Variants in SOX6 observed in about 807,000 individuals in gnomAD.
The protein encoded by SOX6 is transcription factor SOX-6.
Under a neutral mutation model 97.8 loss-of-function variants are expected in SOX6, and 11 were observed. The observed-to-expected ratio is 0.11, with a 90% confidence interval of 0.07 to 0.19. The LOEUF (loss-of-function observed/expected upper bound fraction) is 0.19. Among genes scored for constraint, SOX6 ranks in the 10% least tolerant of loss-of-function variants. SOX6 has a pLI of 1.00. For missense variants in SOX6, 810 were observed against 1,039.5 expected (o/e 0.78, Z 3.04); for synonymous variants, 360 against 371.4 (o/e 0.97, Z 0.35).
chr11:16,473,552 CT>C (rs61587370), intron 1 of SOX6, among the ~76,000 whole-genome samples: 26,057 of 132,518 alleles, frequency 0.2, 2,443 homozygotes, highest in East Asian at 0.46. Flanking sequence ...GTGACAATTC[CT>C]TTTTTTTTTT....
intron 4 of SOX6, among the ~76,000 whole-genome samples, chr11:16,508,844 C>T (rs1860833245): frequency 6.6e-6 from 1 of 151,896 alleles, no homozygotes; most frequent in African/African-American, 2.4e-5. Flanking sequence ...TGAAATGTTC[C>T]CAACACATAG....
intron 11 of SOX6, among the ~76,000 whole-genome samples, chr11:16,048,751 A>G (rs1407659418): frequency 6.6e-6 from 1 of 152,146 alleles, no homozygotes; most frequent in East Asian, 1.9e-4. Context: ...AAGGAAGGTA[A>G]TCTGAAGAAA....
At chr11:16,561,076 T>C (rs539677245) in intron 4 of SOX6, among the ~76,000 whole-genome samples, 2 of 151,610 alleles carry the variant, frequency 1.3e-5, no homozygotes, top group East Asian at 3.9e-4. Flanking sequence ...AAAGAACTTA[T>C]CCATGTAACC....
intron 3 of SOX6, among the ~76,000 whole-genome samples, chr11:16,650,690 G>C (rs1478296002): frequency 6.6e-6 from 1 of 151,842 alleles, no homozygotes. Context: ...AGCACAAGTA[G>C]ATAATCTAAG....
At chr11:16,727,189 T>C (rs1346805013) in intron 2 of SOX6, among the ~76,000 whole-genome samples, 3 of 148,408 alleles carry the variant, frequency 2.0e-5, no homozygotes, top group African/African-American at 7.9e-5. Context: ...TTGGATATTT[T>C]TGGGGAAATA....
chr11:16,239,631 C>T (rs1254822682), intron 3 of SOX6, among the ~76,000 whole-genome samples: 1 of 151,958 alleles, frequency 6.6e-6, no homozygotes, highest in Non-Finnish European at 1.5e-5. Flanking sequence ...TACTATATTC[C>T]GTCCTATTTT....
chr11:16,385,439 ATTGAAGTGCATTT>A (rs1857954966), intron 1 of SOX6, among the ~76,000 whole-genome samples: 1 of 152,110 alleles, frequency 6.6e-6, no homozygotes, highest in African/African-American at 2.4e-5. Flanking sequence ...TAAAATGTTT[ATTGAAGTGCATTT>A]TATCCTTGGG....
At chr11:16,565,867 T>C (rs1398654350) in intron 4 of SOX6, among the ~76,000 whole-genome samples, 7 of 149,832 alleles carry the variant, frequency 4.7e-5, no homozygotes, top group Admixed American at 1.3e-4. Context: ...GAGGCCAAGG[T>C]GGGCAGATCA....
chr11:16,306,259 C>A (rs983193045), intron 3 of SOX6, among the ~76,000 whole-genome samples: 14 of 152,120 alleles, frequency 9.2e-5, no homozygotes, highest in African/African-American at 3.4e-4. Context: ...GTATTATTTC[C>A]TATAGCTTCA....
chr11:16,410,357 C>T (rs1307339250), intron 1 of SOX6, among the ~76,000 whole-genome samples: 2 of 152,086 alleles, frequency 1.3e-5, no homozygotes, highest in African/African-American at 4.8e-5. Flanking sequence ...TCATGACAGG[C>T]TCTTTGTGGT....
In SOX6 at chr11:16,166,753, G is replaced by A. The variant is rs1850897056; in HGVS notation, c.777+17133C>T. On this transcript the variant is annotated intron_variant, in intron 6 of 15. Transcript: ENST00000683767. ...AGGCTTCATGGAACCAGGCCATAAT[G>A]AAATTCTAGGCTTTAAAAAGACAAA... 2.0e-5 allele frequency among the ~76,000 whole-genome samples: 3 copies of A among 152,156 alleles called. No homozygotes were observed. In the South Asian group the frequency reaches 6.2e-4, roughly 31 times the overall value.
chr11:16,594,684 C>CTTTTTTTTTTTTTTTTTT lies in SOX6; in HGVS notation n.609+17379_609+17396dup, dbSNP rs10653599. Among the ~76,000 whole-genome samples, 6 of 68,264 alleles carry CTTTTTTTTTTTTTTTTTT rather than the reference C, an allele frequency of 8.8e-5. 1 individual carries two copies. The highest frequency in any genetic ancestry group is 1.2e-4 in the Non-Finnish European group (5 of 41,256). The allele number at this position is 68,264 out of a possible 152,430, so 44.8% of individuals were successfully genotyped here. A position where few individuals can be genotyped will look rare whatever the true frequency, so the allele number is the denominator to read the frequency against. The stretch of plus-strand genomic sequence containing the variant: ...ATTTTTATTTTCTTTTCGGTTTTTG[C>CTTTTTTTTTTTTTTTTTT]TTTTTTTTTTTTTTTTTTTTTTTTT... On this transcript the variant is annotated intron_variant and non_coding_transcript_variant, in intron 4 of 5. Coordinates refer to the SOX6 transcript ENST00000524520.
intron 1 of SOX6, among the ~76,000 whole-genome samples, chr11:16,376,377 C>T (rs1300012417): frequency 6.6e-6 from 1 of 151,914 alleles, no homozygotes; most frequent in East Asian, 1.9e-4. Context: ...GAGAGAGAGG[C>T]ATCCAGAATA....
At chr11:16,344,521 G>A (rs1175532159) in intron 1 of SOX6, among the ~76,000 whole-genome samples, 1 of 151,704 alleles carries the variant, frequency 6.6e-6, no homozygotes, top group Non-Finnish European at 1.5e-5. Context: ...TATAACCACT[G>A]TACCATAGTT....
At chr11:16,700,202 A>T (rs374020030) in intron 3 of SOX6, among the ~76,000 whole-genome samples, 58 of 152,338 alleles carry the variant, frequency 3.8e-4, no homozygotes, top group African/African-American at 1.3e-3. Flanking sequence ...AATCTGAAAC[A>T]TATACAAACA....
chr11:16,591,071 T>A (rs997096797), intron 4 of SOX6, among the ~76,000 whole-genome samples: 1 of 152,126 alleles, frequency 6.6e-6, no homozygotes, highest in Non-Finnish European at 1.5e-5. Flanking sequence ...TATATACACC[T>A]ATGTAACCAC....
intron 2 of SOX6, among the ~76,000 whole-genome samples, chr11:16,729,538 T>C (rs953761779): frequency 6.6e-6 from 1 of 152,156 alleles, no homozygotes; most frequent in Admixed American, 6.5e-5. Context: ...CTGAGAGATT[T>C]TGTCACCACC....
At chr11:16,440,418 A>G (rs1317811559) in intron 1 of SOX6, among the ~76,000 whole-genome samples, 1 of 152,224 alleles carries the variant, frequency 6.6e-6, no homozygotes, top group Non-Finnish European at 1.5e-5. Context: ...CATAAATAAG[A>G]TGGAAAGAAG....
chr11:16,092,387 T>C (rs563606540), intron 9 of SOX6, among the ~76,000 whole-genome samples: 2 of 152,028 alleles, frequency 1.3e-5, no homozygotes, highest in South Asian at 4.1e-4. Context: ...TAAGTCTTAA[T>C]GTCTACCCAA....
Sources: gnomAD v4.1 joint callset for allele counts (sites outside exome capture counted in the v4.1 genomes callset) on GRCh38, gnomAD v4.1.1 for gene constraint, MANE v1.5 for transcripts, NCBI Gene and HGNC (gene_info 2026-07-23, HGNC 2026-07-21) for gene names.